Variants in AOPEP observed in about 807,000 individuals in gnomAD.
The protein encoded by AOPEP is aminopeptidase O (putative).
In AOPEP, 77 loss-of-function variants were observed where a neutral mutation model predicts 98.1. The observed-to-expected ratio is 0.78, with a 90% CI of 0.65 to 0.95. AOPEP has a LOEUF of 0.95. Ranked by LOEUF, AOPEP falls within the 40% of genes least tolerant of loss-of-function variation. AOPEP has a pLI of 0.00. For synonymous variants in AOPEP, 346 were observed against 365.3 expected (o/e 0.95, Z 0.60); for missense variants, 1,024 against 1,024.7 (o/e 1.00, Z 0.01).
At chr9:95,014,597 A>G (rs930689805) in intron 13 of AOPEP, among the ~76,000 whole-genome samples, 4 of 152,218 alleles carry the variant, frequency 2.6e-5, no homozygotes, top group African/African-American at 9.6e-5. Context: ...CCCGACAGTA[A>G]ATAACCTTTC....
chr9:94,907,373 G>A (rs1352900301), intron 5 of AOPEP, among the ~76,000 whole-genome samples: 2 of 152,138 alleles, frequency 1.3e-5, no homozygotes, highest in East Asian at 1.9e-4. Flanking sequence ...CCCAGAGGCT[G>A]GTGTCCAGAT....
At chr9:94,796,720 C>G (rs181280209) in intron 4 of AOPEP, among the ~76,000 whole-genome samples, 28 of 152,350 alleles carry the variant, frequency 1.8e-4, no homozygotes, top group African/African-American at 6.7e-4. Context: ...TCTTCCAGCT[C>G]CACTTTCACA....
chr9:94,882,951 CT>C (rs1298201954), intron 5 of AOPEP, among the ~76,000 whole-genome samples: 1 of 152,142 alleles, frequency 6.6e-6, no homozygotes, highest in African/African-American at 2.4e-5. Flanking sequence ...GTCTCTGATT[CT>C]TTGGATTGAT....
At chr9:95,042,361 T>C (rs886587707) in intron 13 of AOPEP, among the ~76,000 whole-genome samples, 1 of 147,538 alleles carries the variant, frequency 6.8e-6, no homozygotes, top group Admixed American at 6.7e-5. Context: ...CATAAATAAA[T>C]AAATAAAAAT....
At chr9:95,104,342 T>C in the AOPEP span, among the ~76,000 whole-genome samples, 1 of 152,202 alleles carries the variant, frequency 6.6e-6, no homozygotes, top group Non-Finnish European at 1.5e-5. Context: ...ACAGAGTCAG[T>C]GCATGAGCGC....
chr9:94,731,266 C>T (rs961899802), intron 1 of AOPEP, among the ~76,000 whole-genome samples: 1 of 150,842 alleles, frequency 6.6e-6, no homozygotes, highest in African/African-American at 2.4e-5. Flanking sequence ...CTCGCTCTGT[C>T]GCCCAGGCTG....
At chr9:95,132,758 G>A in the AOPEP span, among the ~76,000 whole-genome samples, 1 of 152,188 alleles carries the variant, frequency 6.6e-6, no homozygotes, top group African/African-American at 2.4e-5. Context: ...TGGTCTTAAT[G>A]GAAAATATCA....
intron 5 of AOPEP, among the ~76,000 whole-genome samples, chr9:94,862,124 C>G (rs988553796): frequency 1.4e-4 from 21 of 152,206 alleles, no homozygotes; most frequent in African/African-American, 5.1e-4. Flanking sequence ...AAGCAGAGCA[C>G]ACCACCTCTA....
chr9:94,750,985 G>A (rs1045256915), intron 1 of AOPEP, among the ~76,000 whole-genome samples: 1 of 151,962 alleles, frequency 6.6e-6, no homozygotes, highest in African/African-American at 2.4e-5. Context: ...CTGACCTCGT[G>A]ATCCGCCCAC....
chr9:95,102,138 T>C, the AOPEP span, among the ~76,000 whole-genome samples: 2 of 152,202 alleles, frequency 1.3e-5, no homozygotes, highest in East Asian at 3.9e-4. Flanking sequence ...CAAGCGCTGC[T>C]TGCAATCAGA....
At chr9:94,808,970 A>G (rs1849872651) in intron 5 of AOPEP, among the ~76,000 whole-genome samples, 1 of 152,222 alleles carries the variant, frequency 6.6e-6, no homozygotes, top group African/African-American at 2.4e-5. Flanking sequence ...GCCTTTTTTC[A>G]TAGATGTGCA....
chr9:95,114,595 G>A, the AOPEP span: 1 of 1,572,454 alleles, frequency 6.4e-7, no homozygotes, highest in Non-Finnish European at 8.8e-7. Context: ...AACCATGTGT[G>A]AAGTAGATTT....
intron 7 of AOPEP, chr9:94,935,116 C>A (rs1240980921): frequency 6.6e-6 from 1 of 152,204 alleles, no homozygotes; most frequent in African/African-American, 2.4e-5. Flanking sequence ...CACCATCCCC[C>A]CTTGGTGCTG....
intron 7 of AOPEP, among the ~76,000 whole-genome samples, chr9:94,947,346 A>G (rs1426988175): frequency 6.6e-6 from 1 of 151,726 alleles, no homozygotes; most frequent in East Asian, 1.9e-4. Context: ...TGGCGCAATC[A>G]AAGTTCACTG....
chr9:94,992,112 C>T (rs576666907), intron 11 of AOPEP, among the ~76,000 whole-genome samples: 88 of 152,158 alleles, frequency 5.8e-4, no homozygotes, highest in Non-Finnish European at 1.1e-3. Flanking sequence ...TGAAGCTGAC[C>T]CAGAGCAGAA....
chr9:95,054,128 C>T (rs149353170), intron 13 of AOPEP, among the ~76,000 whole-genome samples: 86 of 152,292 alleles, frequency 5.6e-4, no homozygotes, highest in African/African-American at 2.0e-3. Context: ...TAGAAATATT[C>T]AGGCATATAT....
At chr9:94,902,312 C>T (rs549729929) in intron 5 of AOPEP, among the ~76,000 whole-genome samples, 1 of 152,284 alleles carries the variant, frequency 6.6e-6, no homozygotes, top group African/African-American at 2.4e-5. Context: ...GCTTTATGTG[C>T]TGTGCCTCAG....
At chr9:95,100,980 GAACT>G in the AOPEP span, 7,689 of 233,294 alleles carry the variant, frequency 0.033, 449 homozygotes, top group African/African-American at 0.13. Context: ...TTTAACAAGA[GAACT>G]AACTAACTGA....
intron 10 of AOPEP, among the ~76,000 whole-genome samples, chr9:94,970,523 C>G (rs1421311827): frequency 6.6e-6 from 1 of 151,742 alleles, no homozygotes; most frequent in East Asian, 2.0e-4. Context: ...ATGTTCATTC[C>G]TTTTGATGCT....
Sources: allele counts gnomAD v4.1 joint callset (sites outside exome capture counted in the v4.1 genomes callset), GRCh38; gene constraint gnomAD v4.1.1; transcripts MANE v1.5; gene names NCBI Gene and HGNC (gene_info 2026-07-23, HGNC 2026-07-21).